The following UNC5C variants were observed in gnomAD, a reference collection of about 807,000 sequenced individuals.
UNC5C encodes netrin receptor UNC5C.
UNC5C carries 47 observed loss-of-function variants against 99.8 expected under a neutral mutation model. That is an observed-to-expected ratio of 0.47 (90% CI 0.37 to 0.60). The LOEUF (loss-of-function observed/expected upper bound fraction) is 0.60, where lower values mean the gene tolerates loss of function less well. Ranked by LOEUF, UNC5C falls within the 20% of genes least tolerant of loss-of-function variation. The pLI, the probability that UNC5C is intolerant of heterozygous loss-of-function variation, is 0.00. For synonymous variants in UNC5C, 487 were observed against 452.2 expected (o/e 1.08, Z -0.98); for missense variants, 1,062 against 1,165.9 (o/e 0.91, Z 1.30).
rs1735924525 is a variant in UNC5C, at chr4:95,168,035, C to G, written c.*1199G>C. On this transcript the variant is annotated 3_prime_UTR_variant, in exon 16 of 16. Transcript: ENST00000453304. ...ACAATGAGAACTGGTTTCTTGATCT[C>G]CAGTTTAGAGTCCATTCCTCCAACC... 2 of 152,192 alleles carry G rather than the reference C, an allele frequency of 1.3e-5. No individual in the cohort carries two copies. Among genetic ancestry groups the G allele is most frequent in the Non-Finnish European group, 2.9e-5 (2 of 68,068 alleles). 9.4% of individuals were successfully genotyped at this position (152,192 alleles called of 1,614,324 possible).
rs1468679219 is a variant in UNC5C, at chr4:95,165,244, C to CT, written c.*3989dup. The stretch of plus-strand genomic sequence containing the variant: ...GGTGTCCTGAACTCAGTCCCCACGA[C>CT]TTTTTTCTCCTGAAAATCGCTCTAC... On this transcript the variant is annotated 3_prime_UTR_variant, in exon 16 of 16. Transcript: ENST00000453304. The CT allele has an allele frequency of 6.6e-6, 1 of 151,326 alleles. No homozygotes were observed. Among genetic ancestry groups the CT allele is most frequent in the Admixed American group, 6.5e-5 (1 of 15,292 alleles). The allele number at this position is 151,326 out of a possible 1,614,324, so 9.4% of individuals were successfully genotyped here. A position where few individuals can be genotyped will look rare whatever the true frequency, so the allele number is the denominator to read the frequency against.
At chr4:95,217,921 T>G (rs977555471) in intron 9 of UNC5C, among the ~76,000 whole-genome samples, 18 of 152,220 alleles carry the variant, frequency 1.2e-4, no homozygotes, top group African/African-American at 3.9e-4. Flanking sequence ...CTCAGCTATG[T>G]AAACTGTGAA....
chr4:95,439,670 T>C (rs1427017871), intron 1 of UNC5C, among the ~76,000 whole-genome samples: 1 of 152,172 alleles, frequency 6.6e-6, no homozygotes, highest in Non-Finnish European at 1.5e-5. Flanking sequence ...AGCAGGATGT[T>C]AATGGTGTTT....
chr4:95,302,046 C>A (rs1360519149), intron 2 of UNC5C, among the ~76,000 whole-genome samples: 1 of 152,214 alleles, frequency 6.6e-6, no homozygotes, highest in Non-Finnish European at 1.5e-5. Context: ...TTTTAACCTT[C>A]CTCTCTATAT....
At chr4:95,350,823 C>A (rs1173084653) in intron 1 of UNC5C, among the ~76,000 whole-genome samples, 1 of 152,070 alleles carries the variant, frequency 6.6e-6, no homozygotes, top group African/African-American at 2.4e-5. Context: ...CTAGAGTTCC[C>A]CATTATTCAA....
intron 3 of UNC5C, among the ~76,000 whole-genome samples, chr4:95,283,066 CTT>C (rs894408506): frequency 1.3e-5 from 2 of 152,116 alleles, no homozygotes; most frequent in Non-Finnish European, 2.9e-5. Context: ...ATCTACTACT[CTT>C]TTCCAAAATT....
chr4:95,447,561 C>A (rs944742630), intron 1 of UNC5C, among the ~76,000 whole-genome samples: 1 of 151,990 alleles, frequency 6.6e-6, no homozygotes, highest in African/African-American at 2.4e-5. Context: ...AGTGCAGTGG[C>A]GCAATCTCGG....
chr4:95,258,886 C>G (rs1381123453), intron 4 of UNC5C, among the ~76,000 whole-genome samples: 1 of 149,178 alleles, frequency 6.7e-6, no homozygotes, highest in African/African-American at 2.5e-5. Context: ...CTCAGCCTCC[C>G]GAGTAGCTGG....
intron 11 of UNC5C, among the ~76,000 whole-genome samples, chr4:95,206,333 C>T (rs1737874220): frequency 6.6e-6 from 1 of 151,702 alleles, no homozygotes. Context: ...CACATATACA[C>T]AATATATATA....
intron 1 of UNC5C, among the ~76,000 whole-genome samples, chr4:95,519,537 A>T (rs749852119): frequency 1.7e-3 from 202 of 118,096 alleles, no homozygotes; most frequent in Non-Finnish European, 3.0e-3. Flanking sequence ...TAGCACATTT[A>T]AAAAAAAAAA....
At chr4:95,474,529 A>C (rs1748077440) in intron 1 of UNC5C, among the ~76,000 whole-genome samples, 1 of 151,996 alleles carries the variant, frequency 6.6e-6, no homozygotes, top group Non-Finnish European at 1.5e-5. Context: ...ACCTCAGGTG[A>C]TCTACGCCTC....
chr4:95,546,016 C>T (rs1723051789), intron 1 of UNC5C, among the ~76,000 whole-genome samples: 1 of 152,192 alleles, frequency 6.6e-6, no homozygotes, highest in Non-Finnish European at 1.5e-5. Flanking sequence ...AATGCCTATT[C>T]TATGTTTTAT....
At chr4:95,193,729 G>A (rs56133356) in intron 12 of UNC5C, among the ~76,000 whole-genome samples, 13,569 of 152,184 alleles carry the variant, frequency 0.089, 784 homozygotes, top group Middle Eastern at 0.21. Flanking sequence ...AAGAGCGGCC[G>A]CCCTTCTCTC....
chr4:95,434,872 G>A (rs1239501349), intron 1 of UNC5C, among the ~76,000 whole-genome samples: 1 of 151,992 alleles, frequency 6.6e-6, no homozygotes, highest in East Asian at 1.9e-4. Flanking sequence ...GGCCACAGAG[G>A]CACTGCAGTT....
At chr4:95,230,822 G>C (rs2149373182) in intron 7 of UNC5C, among the ~76,000 whole-genome samples, 1 of 151,950 alleles carries the variant, frequency 6.6e-6, no homozygotes, top group East Asian at 1.9e-4. Context: ...GCACTCATCT[G>C]TGGATGTTGG....
At chr4:95,443,636 AT>A (rs1167556865) in intron 1 of UNC5C, among the ~76,000 whole-genome samples, 1 of 152,138 alleles carries the variant, frequency 6.6e-6, no homozygotes, top group African/African-American at 2.4e-5. Context: ...TCCTTTTATT[AT>A]TTAACCATCT....
intron 1 of UNC5C, among the ~76,000 whole-genome samples, chr4:95,504,651 T>C (rs375789834): frequency 1.3e-5 from 2 of 152,042 alleles, no homozygotes; most frequent in East Asian, 3.9e-4. Context: ...TCTACAAATA[T>C]AGTAACAAAA....
intron 4 of UNC5C, among the ~76,000 whole-genome samples, chr4:95,264,360 A>G (rs1231752161): frequency 6.6e-6 from 1 of 152,164 alleles, no homozygotes; most frequent in African/African-American, 2.4e-5. Context: ...TAACTTTCTA[A>G]TATTTGTCCT....
intron 12 of UNC5C, among the ~76,000 whole-genome samples, chr4:95,193,449 A>G (rs771528865): frequency 2.0e-5 from 3 of 152,176 alleles, no homozygotes; most frequent in Non-Finnish European, 2.9e-5. Context: ...TGGGACACAG[A>G]CACAAAGAAC....
Sources: allele counts gnomAD v4.1 joint callset (sites outside exome capture counted in the v4.1 genomes callset), GRCh38; gene constraint gnomAD v4.1.1; transcripts MANE v1.5; gene names NCBI Gene and HGNC (gene_info 2026-07-23, HGNC 2026-07-21).